Variants in OXCT1 observed in about 807,000 individuals in gnomAD.
OXCT1 encodes 3-oxoacid CoA-transferase 1.
In OXCT1, 27 loss-of-function variants were observed where a neutral mutation model predicts 69.6. That is an observed-to-expected ratio of 0.39 (90% CI 0.29 to 0.54). The LOEUF is 0.54. Among genes scored for constraint, OXCT1 ranks in the 20% least tolerant of loss-of-function variants. OXCT1 has a pLI of 0.72. For missense variants in OXCT1, 437 were observed against 650.2 expected, an observed-to-expected ratio of 0.67 and a Z score of 3.57; for synonymous variants, 202 against 217.8, an observed-to-expected ratio of 0.93 and a Z score of 0.64.
chr5:41,866,448 C>A (rs1749978688), intron 1 of OXCT1, among the ~76,000 whole-genome samples: 1 of 152,096 alleles, frequency 6.6e-6, no homozygotes, highest in Admixed American at 6.5e-5. Flanking sequence ...GTCCAAGTAT[C>A]ACAGTTTGAG....
At chr5:41,835,899 G>A (rs895312266) in intron 7 of OXCT1, among the ~76,000 whole-genome samples, 2 of 152,234 alleles carry the variant, frequency 1.3e-5, no homozygotes, top group Admixed American at 6.5e-5. Context: ...TCTCCTGAGT[G>A]AAGCACTCTC....
At chr5:41,812,775 A>G (rs548384865) in intron 7 of OXCT1, among the ~76,000 whole-genome samples, 2 of 152,144 alleles carry the variant, frequency 1.3e-5, no homozygotes, top group South Asian at 4.1e-4. Context: ...AAGAAATTCA[A>G]TTCCAAGAAG....
intron 7 of OXCT1, among the ~76,000 whole-genome samples, chr5:41,832,682 C>T (rs1028711947): frequency 6.6e-6 from 1 of 151,992 alleles, no homozygotes; most frequent in East Asian, 1.9e-4. Context: ...GCACCGGGGA[C>T]CAATCTTGGG....
At chr5:41,760,226 G>T (rs1186760773) in intron 14 of OXCT1, among the ~76,000 whole-genome samples, 2 of 152,104 alleles carry the variant, frequency 1.3e-5, no homozygotes, top group African/African-American at 4.8e-5. Context: ...AAGAGAAACT[G>T]TTGATTATTT....
chr5:41,797,274 G>T (rs60209308), intron 11 of OXCT1, among the ~76,000 whole-genome samples: 1 of 151,990 alleles, frequency 6.6e-6, no homozygotes, highest in Non-Finnish European at 1.5e-5. Context: ...TATTATTTGT[G>T]AAGCATAGTT....
intron 15 of OXCT1, among the ~76,000 whole-genome samples, chr5:41,745,471 C>T (rs1479220416): frequency 6.6e-6 from 1 of 152,108 alleles, no homozygotes. Flanking sequence ...AATTGACATC[C>T]TAACATCACG....
chr5:41,852,659 C>T (rs886366831), intron 4 of OXCT1, among the ~76,000 whole-genome samples: 2 of 152,154 alleles, frequency 1.3e-5, no homozygotes, highest in Admixed American at 1.3e-4. Context: ...AACATCAGTT[C>T]CCTGGGAATC....
At chr5:41,862,449 AATATT>A (rs1180776729) in intron 2 of OXCT1, among the ~76,000 whole-genome samples, 188 bp downstream of exon 2, 2 of 152,178 alleles carry the variant, frequency 1.3e-5, no homozygotes, top group Admixed American at 1.3e-4. Context: ...GAGAAAGTAA[AATATT>A]AAGTGCTAAA....
At chr5:41,811,594 A>T (rs1207928354) in intron 7 of OXCT1, among the ~76,000 whole-genome samples, 1 of 152,054 alleles carries the variant, frequency 6.6e-6, no homozygotes, top group African/African-American at 2.4e-5. Context: ...TGATAGGACC[A>T]GTACAAAAAC....
At chr5:41,812,265 T>C (rs1747020809) in intron 7 of OXCT1, among the ~76,000 whole-genome samples, 1 of 151,982 alleles carries the variant, frequency 6.6e-6, no homozygotes, top group Admixed American at 6.6e-5. Context: ...TATCCTGGTC[T>C]TTGAAGAAAA....
intron 10 of OXCT1, among the ~76,000 whole-genome samples, chr5:41,801,892 T>C (rs1189376144): frequency 2.0e-5 from 3 of 151,912 alleles, no homozygotes; most frequent in Admixed American, 2.0e-4. Flanking sequence ...TATAAAAAAA[T>C]AAAAGGCATA....
chr5:41,742,249 G>A (rs1414580687), intron 15 of OXCT1, among the ~76,000 whole-genome samples: 1 of 152,146 alleles, frequency 6.6e-6, no homozygotes, highest in Non-Finnish European at 1.5e-5. Flanking sequence ...ACTTACTTTT[G>A]AAATATTTAG....
intron 15 of OXCT1, among the ~76,000 whole-genome samples, chr5:41,744,259 G>C (rs1324163188): frequency 1.8e-4 from 28 of 152,050 alleles, no homozygotes; most frequent in Admixed American, 1.8e-3. Context: ...TCATGATTTG[G>C]CTCTCTGTTT....
chr5:41,835,286 A>G (rs1393370601), intron 7 of OXCT1, among the ~76,000 whole-genome samples: 1 of 152,228 alleles, frequency 6.6e-6, no homozygotes, highest in Non-Finnish European at 1.5e-5. Flanking sequence ...AGAAATTAAG[A>G]ATCTGAACAG....
intron 4 of OXCT1, among the ~76,000 whole-genome samples, chr5:41,853,178 C>G (rs1296637648): frequency 1.3e-5 from 2 of 152,140 alleles, no homozygotes; most frequent in Non-Finnish European, 2.9e-5. Context: ...ATTACAGTGC[C>G]AAACTTAAAA....
At chr5:41,817,071 T>A (rs538331112) in intron 7 of OXCT1, among the ~76,000 whole-genome samples, 1 of 152,180 alleles carries the variant, frequency 6.6e-6, no homozygotes, top group Admixed American at 6.5e-5. Flanking sequence ...ATAAACTCAT[T>A]CCCAAAACTC....
At position 41,851,383 on chromosome 5, in the gene OXCT1, G is replaced by A. The variant is rs1749165908; in HGVS notation, c.415-1204C>T. On this transcript the variant is annotated intron_variant, in intron 4 of 16. Coordinates refer to ENST00000196371, the MANE Select transcript of OXCT1 (RefSeq NM_000436.4). Reference sequence around the variant, plus strand: ...GAAAGAGATGACTCTACCTTGTGTTGTGAAGTTAGTAACATTTACAAAAAA... The same window carrying A: ...GAAAGAGATGACTCTACCTTGTGTTATGAAGTTAGTAACATTTACAAAAAA... 2.6e-5 allele frequency among the ~76,000 whole-genome samples: 4 copies of A among 152,268 alleles called. No homozygotes were observed. In the South Asian group the frequency reaches 8.3e-4, roughly 32 times the overall value.
At chr5:41,810,085 TA>T (rs570860133) in intron 7 of OXCT1, among the ~76,000 whole-genome samples, 35 of 147,596 alleles carry the variant, frequency 2.4e-4, no homozygotes, top group East Asian at 9.9e-4. Flanking sequence ...GAAAAGAGTT[TA>T]AAAAAAAAAA....
intron 7 of OXCT1, among the ~76,000 whole-genome samples, chr5:41,829,279 C>T (rs1477861622): frequency 6.6e-6 from 1 of 151,970 alleles, no homozygotes; most frequent in Non-Finnish European, 1.5e-5. Context: ...CCTGGATTTA[C>T]ATAATACAGG....
Sources: gnomAD v4.1 joint callset for allele counts (sites outside exome capture counted in the v4.1 genomes callset) on GRCh38, gnomAD v4.1.1 for gene constraint, MANE v1.5 for transcripts, NCBI Gene and HGNC (gene_info 2026-07-23, HGNC 2026-07-21) for gene names.